Variants in STARD6 observed in about 807,000 individuals in gnomAD.
STARD6 encodes StAR related lipid transfer domain containing 6.
A neutral mutation model predicts 22.3 loss-of-function variants in STARD6; 21 were observed. The ratio of observed to expected loss-of-function variants is 0.94; its 90% CI spans 0.67 to 1.35. STARD6 has a LOEUF of 1.35. Among genes scored for constraint, STARD6 ranks in the 40% most tolerant of loss-of-function variants. The probability of loss-of-function intolerance (pLI) is 0.00; values close to 1 mark genes in which losing one functional copy is unlikely to be tolerated. For missense variants in STARD6, 269 were observed against 266.9 expected, an observed-to-expected ratio of 1.01 and a Z score of -0.05; for synonymous variants, 80 against 88.1, an observed-to-expected ratio of 0.91 and a Z score of 0.52.
At chr18:54,357,268 C>T (rs2089158784) in intron 1 of STARD6, 1 of 152,234 alleles carries the variant, frequency 6.6e-6, no homozygotes, top group Non-Finnish European at 1.5e-5. Context: ...TACAATGACC[C>T]TCTTTCTGAG....
intron 4 of STARD6, among the ~76,000 whole-genome samples, chr18:54,342,417 C>CTCTCCGTCTCCG (rs1318436579): frequency 8.6e-6 from 1 of 116,670 alleles, no homozygotes; most frequent in African/African-American, 3.3e-5. Flanking sequence ...TAAGAAAATG[C>CTCTCCGTCTCCG]TCTCCGTCTC....
At chr18:54,336,015 T>A (rs1280205481) in intron 5 of STARD6, among the ~76,000 whole-genome samples, 1 of 152,160 alleles carries the variant, frequency 6.6e-6, no homozygotes, top group Non-Finnish European at 1.5e-5. Flanking sequence ...ATTATTCCTG[T>A]CATTTCATTC....
chr18:54,340,792 A>C (rs192393245), intron 4 of STARD6, among the ~76,000 whole-genome samples: 16 of 152,240 alleles, frequency 1.1e-4, no homozygotes, highest in Non-Finnish European at 1.9e-4. Context: ...AAGGCTTGAA[A>C]AAGATACACC....
intron 5 of STARD6, among the ~76,000 whole-genome samples, chr18:54,335,489 C>T (rs1568168335): frequency 6.6e-6 from 1 of 152,092 alleles, no homozygotes; most frequent in African/African-American, 2.4e-5. Context: ...CCACCGCGCT[C>T]AGCCCCAGGT....
chr18:54,337,081 A>C, intron 5 of STARD6, 44 bp downstream of exon 5: 2 of 1,538,482 alleles, frequency 1.3e-6, no homozygotes, highest in Non-Finnish European at 1.8e-6. Flanking sequence ...ATAAACTAAA[A>C]ATATATTAAT....
At chr18:54,333,365 C>T (rs1204391247) in intron 5 of STARD6, among the ~76,000 whole-genome samples, 3 of 152,144 alleles carry the variant, frequency 2.0e-5, no homozygotes, top group East Asian at 1.9e-4. Flanking sequence ...AGGAGAATGG[C>T]GTGAACCTGG....
intron 4 of STARD6, among the ~76,000 whole-genome samples, chr18:54,352,658 A>C (rs78072362): frequency 3.9e-3 from 593 of 152,348 alleles, no homozygotes; most frequent in Middle Eastern, 0.014. Flanking sequence ...CAGTGCATAT[A>C]AATTTCACTC....
chr18:54,356,806 A>T (rs1364588211), intron 1 of STARD6, among the ~76,000 whole-genome samples: 1 of 152,220 alleles, frequency 6.6e-6, no homozygotes, highest in African/African-American at 2.4e-5. Flanking sequence ...TTGATTTCCT[A>T]TTGGAAACCT....
intron 4 of STARD6, among the ~76,000 whole-genome samples, chr18:54,341,172 G>A (rs909721285): frequency 2.6e-5 from 4 of 151,530 alleles, no homozygotes; most frequent in Non-Finnish European, 5.9e-5. Flanking sequence ...CCATTCTCCT[G>A]CCTCAGCCTG....
chr18:54,324,955 G>C, intron 7 of STARD6, 80 bp from the exon 8 acceptor site: 1 of 1,171,048 alleles, frequency 8.5e-7, no homozygotes, highest in Non-Finnish European at 1.1e-6. Context: ...TGGAGAGCAG[G>C]ATTCTTATCT....
chr18:54,343,899 G>A (rs1421523519), intron 4 of STARD6, among the ~76,000 whole-genome samples: 1 of 33,482 alleles, frequency 3.0e-5, no homozygotes, highest in Non-Finnish European at 5.0e-5. Context: ...CGAGGGAGGT[G>A]GGGGGGTCAG....
intron 4 of STARD6, among the ~76,000 whole-genome samples, chr18:54,352,869 C>T (rs1007853163): frequency 6.6e-6 from 1 of 152,056 alleles, no homozygotes; most frequent in Non-Finnish European, 1.5e-5. Context: ...TTAAAAAATG[C>T]CAAGGTTGCT....
chr18:54,346,120 TGAG>T (rs2089031487), intron 4 of STARD6, among the ~76,000 whole-genome samples: 1 of 151,920 alleles, frequency 6.6e-6, no homozygotes, highest in African/African-American at 2.4e-5. Context: ...ATCAAGAGAG[TGAG>T]AAGACAACCT....
chr18:54,338,556 A>C (rs1295781683), intron 4 of STARD6, among the ~76,000 whole-genome samples: 2 of 152,114 alleles, frequency 1.3e-5, no homozygotes, highest in African/African-American at 4.8e-5. Context: ...ATGACCAAAC[A>C]AATAACCACA....
At chr18:54,336,519 C>T (rs1023583466) in intron 5 of STARD6, among the ~76,000 whole-genome samples, 1 of 152,202 alleles carries the variant, frequency 6.6e-6, no homozygotes, top group Non-Finnish European at 1.5e-5. Flanking sequence ...ATTACCCAGT[C>T]TTGGGTATTT....
chr18:54,355,115 A>G (rs1272972885), intron 2 of STARD6, among the ~76,000 whole-genome samples: 1 of 152,160 alleles, frequency 6.6e-6, no homozygotes. Context: ...CTTCCTCTTC[A>G]AATATACCTC....
chr18:54,332,984 A>T (rs2088877195), intron 5 of STARD6, among the ~76,000 whole-genome samples: 1 of 152,222 alleles, frequency 6.6e-6, no homozygotes, highest in South Asian at 2.1e-4. Context: ...CTTTACAAAA[A>T]GGGAAAATAA....
At chr18:54,351,271 T>C (rs2089093552) in intron 4 of STARD6, among the ~76,000 whole-genome samples, 1 of 152,218 alleles carries the variant, frequency 6.6e-6, no homozygotes, top group African/African-American at 2.4e-5. Context: ...TATTTCATTC[T>C]CAGCTTGGTC....
intron 4 of STARD6, among the ~76,000 whole-genome samples, chr18:54,339,264 C>T (rs2088948877): frequency 6.6e-6 from 1 of 150,720 alleles, no homozygotes; most frequent in African/African-American, 2.4e-5. Flanking sequence ...GAGTGAGACC[C>T]GTCTCTCAAA....
Sources: allele counts gnomAD v4.1 joint callset (sites outside exome capture counted in the v4.1 genomes callset), GRCh38; gene constraint gnomAD v4.1.1; transcripts MANE v1.5; gene names NCBI Gene and HGNC (gene_info 2026-07-23, HGNC 2026-07-21).